SPSB2: variants seen among roughly 807,000 people sequenced by gnomAD.
The protein encoded by SPSB2 is splA/ryanodine receptor domain and SOCS box containing 2.
In SPSB2, 25 loss-of-function variants were observed where a neutral mutation model predicts 19.2. The observed-to-expected ratio is 1.30, with a 90% CI of 0.95 to 1.82. The LOEUF is 1.82. SPSB2 is among the 40% of genes most tolerant of loss of function. The probability of loss-of-function intolerance (pLI) is 0.00; values close to 1 mark genes in which losing one functional copy is unlikely to be tolerated. For missense variants in SPSB2, 413 were observed against 344.9 expected (o/e 1.20, Z -1.56); for synonymous variants, 153 against 154.9 (o/e 0.99, Z 0.09).
intron 2 of SPSB2, chr12:6,871,894 A>G: frequency 9.5e-7 from 1 of 1,048,168 alleles, no homozygotes; most frequent in Non-Finnish European, 1.3e-6. Context: ...CTTCTTTTGG[A>G]CCTGTACATC....
Position 6,872,571 on chromosome 12 carries a change from C to A in SPSB2, c.331G>T (p.Ala111Ser). The A allele has an allele frequency of 3.2e-5, 52 of 1,608,408 alleles. No individual in the cohort carries two copies. The highest frequency in any genetic ancestry group is 4.3e-5 in the Non-Finnish European group (51 of 1,178,960). ...GTHAVVGVAT[A>S]LAPLQTDHYA... ...TGGTCAGTCTGCAGCGGGGCGAGGG[C>A]CGTGGCCACGCCCACCACGGCATGC... The change falls in exon 2 of 3, where the codon GCC becomes TCC. Residue 111 changes from alanine (A) to serine (S), a missense_variant. Transcript: ENST00000524270.
Position 6,872,512 on chromosome 12 carries a change from C to T in SPSB2, c.390G>A (p.Ser130=), listed in dbSNP as rs782772105. The change falls in exon 2 of 3, where the codon TCG becomes TCA. Residue 130 remains serine (S), a synonymous_variant. Coordinates refer to ENST00000524270, the MANE Select transcript of SPSB2 (RefSeq NM_032641.4). ...YAALLGSNSE[S]WGWDIGRGKL... ...TCCCCCGCCCGATGTCCCAGCCCCA[C>T]GACTCGCTGTTGCTGCCCAGCAGCG... 18 of 1,612,346 alleles carry T rather than the reference C, an allele frequency of 1.1e-5. No individual in the cohort carries two copies. The highest frequency in any genetic ancestry group is 1.5e-5 in the Non-Finnish European group (18 of 1,179,896).
chr12:6,872,199 G>A (rs1212664790), intron 2 of SPSB2, 39 bp downstream of exon 2: 5 of 1,613,764 alleles, frequency 3.1e-6, no homozygotes, highest in Non-Finnish European at 3.4e-6. Flanking sequence ...ACTGCCACCA[G>A]GGACAGAAAG....
Position 6,871,049 on chromosome 12 carries a change from G to A in SPSB2, c.*143C>T. On this transcript the variant is annotated 3_prime_UTR_variant, in exon 3 of 3. Transcript: ENST00000524270. ...CCTCCCTCCAAGTGGCTCTGGGGCT[G>A]TTGATTTCCGCAGAGCTTGGGTTGG... The A allele has an allele frequency of 1.9e-6, 2 of 1,076,522 alleles. No individual in the cohort carries two copies. The highest frequency in any genetic ancestry group is 2.7e-6 in the Non-Finnish European group (2 of 741,886). 66.7% of individuals were successfully genotyped at this position (1,076,522 alleles called of 1,614,324 possible).
rs1944588917 is a variant in SPSB2 at position 6,871,312 on chromosome 12, T to C, written c.672A>G (p.Pro224=). The C allele has an allele frequency of 6.2e-7, 1 of 1,612,834 alleles. No homozygotes were observed. Among genetic ancestry groups the C allele is most frequent in the Admixed American group, 1.7e-5 (1 of 59,926 alleles). Residue 224 remains proline (P), a synonymous_variant, in exon 3 of 3, where the codon CCA becomes CCG. Coordinates refer to ENST00000524270, the MANE Select transcript of SPSB2 (RefSeq NM_032641.4). ...GGCGGCTCAGGTGCAGAAGGGAGTG[T>C]GGCTCCGCTGGGAGAGAGAAGGAGG... ...IRYLGERRAE[P]HSLLHLSRLC...
rs782023746 is a variant in SPSB2 at position 6,872,247 on chromosome 12, C to A, written c.655G>T (p.Glu219Ter). Residue 219 changes from glutamate (E) to a stop codon, truncating the protein, a stop_gained, in exon 2 of 3, where the codon GAA (glutamate) becomes TAA (stop). Transcript: ENST00000524270. LOFTEE classifies it low-confidence loss of function (END_TRUNC). Reference protein sequence around the residue: ...QCQVRIRYLGERRAEPHSLLH... With the variant: ...QCQVRIRYLG ...CTGCCCCAGGCCTCACCTCTCCTTT[C>A]GCCCAGGTAGCGGATGCGGACCTGG... The A allele has an allele frequency of 6.2e-7, 1 of 1,614,032 alleles. No individual in the cohort carries two copies. Among genetic ancestry groups the A allele is most frequent in the African/African-American group, 1.3e-5 (1 of 74,938 alleles).
At position 6,872,895 on chromosome 12, in the gene SPSB2, G is replaced by A. The variant is rs781833150; in HGVS notation, c.7C>T (p.Gln3Ter). 4.2e-5 allele frequency: 66 copies of A among 1,570,874 alleles called. No individual in the cohort carries two copies. The highest frequency in any genetic ancestry group is 1.1e-4 in the South Asian group (10 of 87,462). ...CTGCTGCCCCCTGCCAGAGCTGTCT[G>A]GCCCATGGAGGTGAGGAGCTAGAGG... MG[Q>*]TALAGGSSST... is the part of the protein sequence containing the mutation. The change falls in exon 2 of 3, where the codon CAG becomes TAG. Residue 3 changes from glutamine to a stop codon, truncating the protein, a stop_gained. Coordinates refer to ENST00000524270, the MANE Select transcript of SPSB2 (RefSeq NM_032641.4). LOFTEE classifies it high-confidence loss of function.
At chr12:6,872,075 TTAAA>T (rs781784005) in intron 2 of SPSB2, 159 bp downstream of exon 2, 7 of 1,572,292 alleles carry the variant, frequency 4.5e-6, no homozygotes, top group African/African-American at 1.4e-5. Context: ...TTGGGTTAAA[TTAAA>T]TAACAGCTGT....
Position 6,872,564 on chromosome 12 carries a change from G to GA in SPSB2, c.337_338insT (p.Ala113ValfsTer6). 27 of 1,609,072 alleles carry GA rather than the reference G, an allele frequency of 1.7e-5. No individual in the cohort carries two copies. The highest frequency in any genetic ancestry group is 2.2e-5 in the Non-Finnish European group (26 of 1,179,220). On this transcript the variant is annotated frameshift_variant, in exon 2 of 3. Coordinates refer to ENST00000524270, the MANE Select transcript of SPSB2 (RefSeq NM_032641.4). LOFTEE classifies it high-confidence loss of function. ...CGCGTAGTGGTCAGTCTGCAGCGGG[G>GA]CGAGGGCCGTGGCCACGCCCACCAC...
At chr12:6,871,489 C>T in intron 2 of SPSB2, 170 bp from the exon 3 acceptor site, 2 of 712,580 alleles carry the variant, frequency 2.8e-6, no homozygotes, top group East Asian at 2.7e-5. Context: ...GATAAGATTT[C>T]ACACATCCCT....
In SPSB2 at chr12:6,871,229, A is replaced by AAGGGC; in HGVS notation, c.750_754dup (p.Leu252CysfsTer7). 3.7e-6 allele frequency: 6 copies of AAGGGC among 1,612,052 alleles called. No individual in the cohort carries two copies. Among genetic ancestry groups the AAGGGC allele is most frequent in the Non-Finnish European group, 5.1e-6 (6 of 1,179,112 alleles). ...CAGGTAGCGCTTCATGGCAGGGGGCAAGGGCAGGGCAGACACCTGGCCGAG... is the reference window on the plus strand; with the variant it reads ...CAGGTAGCGCTTCATGGCAGGGGGCAAGGGCAGGGCAGGGCAGACACCTGGCCGAG... On this transcript the variant is annotated frameshift_variant, in exon 3 of 3. Coordinates refer to ENST00000524270, the MANE Select transcript of SPSB2 (RefSeq NM_032641.4). LOFTEE classifies it high-confidence loss of function.
Position 6,872,603 on chromosome 12 carries a change from C to A in SPSB2, c.299G>T (p.Arg100Met), listed in dbSNP as rs781831866. The A allele has an allele frequency of 1.9e-6, 3 of 1,609,092 alleles. No homozygotes were observed. The highest frequency in any genetic ancestry group is 2.2e-5 in the South Asian group (2 of 91,038). The change falls in exon 2 of 3, where the codon AGG becomes ATG. Residue 100 changes from arginine to methionine, a missense_variant. Coordinates refer to ENST00000524270, the MANE Select transcript of SPSB2 (RefSeq NM_032641.4). ...AWEISWPLEQ[R>M]GTHAVVGVAT... ...CACGCCCACCACGGCATGCGTGCCC[C>A]TCTGCTCTAGGGGCCAGCTGATCTC...
At chr12:6,871,552 G>C (rs1378788188) in intron 2 of SPSB2, 1 of 576,062 alleles carries the variant, frequency 1.7e-6, no homozygotes, top group Non-Finnish European at 3.0e-6. Flanking sequence ...AACAGGCCAA[G>C]GTGGCTCTGA....
intron 2 of SPSB2, chr12:6,871,572 A>G: frequency 1.8e-6 from 1 of 548,142 alleles, no homozygotes; most frequent in Non-Finnish European, 3.2e-6. Flanking sequence ...ACAGTGGTGG[A>G]GCTGGCCCAG....
At chr12:6,872,195 A>T (rs797042630) in intron 2 of SPSB2, 43 bp downstream of exon 2, 1 of 1,613,634 alleles carries the variant, frequency 6.2e-7, no homozygotes, top group African/African-American at 1.3e-5. Context: ...AACCACTGCC[A>T]CCAGGGACAG....
Position 6,871,032 on chromosome 12 carries a change from C to T in SPSB2, c.*160G>A. ...CGCCGGCTCCCTTTCTTCCTCCCTC[C>T]AAGTGGCTCTGGGGCTGTTGATTTC... On this transcript the variant is annotated 3_prime_UTR_variant, in exon 3 of 3. Transcript: ENST00000524270. The T allele has an allele frequency of 7.0e-6, 6 of 855,316 alleles. No homozygotes were observed. Among genetic ancestry groups the T allele is most frequent in the Non-Finnish European group, 1.1e-5 (6 of 542,920 alleles). 53.0% of individuals were successfully genotyped at this position (855,316 alleles called of 1,614,324 possible). A position where few individuals can be genotyped will look rare whatever the true frequency, so the allele number is the denominator to read the frequency against.
Position 6,872,358 on chromosome 12 carries a change from T to C in SPSB2, c.544A>G (p.Ile182Val), listed in dbSNP as rs996245393. The C allele has an allele frequency of 5.0e-6, 8 of 1,614,182 alleles. No homozygotes were observed. Among genetic ancestry groups the C allele is most frequent in the Middle Eastern group, 1.6e-4 (1 of 6,062 alleles). The part of the protein sequence containing the change: ...DMEEGTLGYA[I>V]GGTYLGPAFR... ...GCTGGCCCCAGGTAGGTGCCCCCAA[T>C]AGCGTAGCCCAGAGTTCCCTCCTCC... is the stretch of plus-strand genomic sequence containing the variant. Residue 182 changes from isoleucine to valine, a missense_variant, in exon 2 of 3, where the codon ATT becomes GTT. By Grantham distance (29) the Ile-to-Val change is conservative. Transcript: ENST00000524270.
Position 6,871,023 on chromosome 12 carries a change from TCCTC to T in SPSB2, c.*165_*168del, listed in dbSNP as rs1241735253. The T allele has an allele frequency of 5.3e-5, 42 of 794,318 alleles. No homozygotes were observed. The highest frequency in any genetic ancestry group is 2.4e-4 in the African/African-American group (14 of 57,844). The allele number at this position is 794,318 out of a possible 1,614,324, so 49.2% of individuals were successfully genotyped here. Reference sequence around the variant, plus strand: ...AGCCTTGAACGCCGGCTCCCTTTCTTCCTCCCTCCAAGTGGCTCTGGGGCTGTTG... The same window carrying T: ...AGCCTTGAACGCCGGCTCCCTTTCTTCCTCCAAGTGGCTCTGGGGCTGTTG... On this transcript the variant is annotated 3_prime_UTR_variant, in exon 3 of 3. Coordinates refer to ENST00000524270, the MANE Select transcript of SPSB2 (RefSeq NM_032641.4).
intron 2 of SPSB2, 69 bp downstream of exon 2, chr12:6,872,169 A>C: frequency 6.2e-7 from 1 of 1,613,388 alleles, no homozygotes; most frequent in African/African-American, 1.3e-5. Flanking sequence ...CTCTTGTCAG[A>C]AGAGTTTCCA....
Sources: gnomAD v4.1 joint callset for allele counts on GRCh38, gnomAD v4.1.1 for gene constraint, MANE v1.5 for transcripts, NCBI Gene and HGNC (gene_info 2026-07-23, HGNC 2026-07-21) for gene names.